Variants in DISC1 observed in about 807,000 individuals in gnomAD.
DISC1 encodes disrupted in schizophrenia 1 protein.
In DISC1, 57 loss-of-function variants were observed where a neutral mutation model predicts 84.5. The ratio of observed to expected loss-of-function variants is 0.67; its 90% confidence interval spans 0.55 to 0.84. The LOEUF (loss-of-function observed/expected upper bound fraction) is 0.84, where lower values mean the gene tolerates loss of function less well. Ranked by LOEUF, DISC1 falls within the 40% of genes least tolerant of loss-of-function variation. DISC1 has a pLI of 0.00. For missense variants in DISC1, 1,000 were observed against 1,057.8 expected, an observed-to-expected ratio of 0.95 and a Z score of 0.76; for synonymous variants, 411 against 415.2, an observed-to-expected ratio of 0.99 and a Z score of 0.12.
At chr1:232,027,084 A>G (rs1669550827) in intron 12 of DISC1, among the ~76,000 whole-genome samples, 1 of 152,134 alleles carries the variant, frequency 6.6e-6, no homozygotes, top group Non-Finnish European at 1.5e-5. Flanking sequence ...AAATCCAACC[A>G]CTAACAATTA....
At chr1:231,642,616 T>C (rs1342144642) in intron 1 of DISC1, among the ~76,000 whole-genome samples, 1 of 152,216 alleles carries the variant, frequency 6.6e-6, no homozygotes, top group African/African-American at 2.4e-5. Context: ...TAAATCTTTT[T>C]TTTTTCACTG....
intron 9 of DISC1, among the ~76,000 whole-genome samples, chr1:231,919,683 G>A (rs775599821): frequency 6.6e-6 from 1 of 152,202 alleles, no homozygotes; most frequent in South Asian, 2.1e-4. Flanking sequence ...CAGCCAAAAT[G>A]AGTTCTGTTA....
chr1:231,874,497 C>G (rs536096409), intron 9 of DISC1, among the ~76,000 whole-genome samples: 2 of 152,054 alleles, frequency 1.3e-5, no homozygotes, highest in Non-Finnish European at 2.9e-5. Context: ...CATGGCCTGG[C>G]CAAAGACTTC....
At position 232,008,862 on chromosome 1, in the gene DISC1, T is replaced by C; in HGVS notation, c.2120T>C (p.Leu707Pro). Residue 707 changes from leucine (L) to proline (P), a missense_variant, in exon 11 of 13, where the codon CTC (leucine) becomes CCC (proline). Transcript: ENST00000439617. Reference sequence around the variant, plus strand: ...CGATTGCTTATCCAGAGCCTACAGCTCCAGGAAGCCAGGGGAAGCCTGTCT... The same window carrying C: ...CGATTGCTTATCCAGAGCCTACAGCCCCAGGAAGCCAGGGGAAGCCTGTCT... ...ACRLLIQSLQLQEARGSLSVE... is the reference protein window; with the variant it reads ...ACRLLIQSLQPQEARGSLSVE... 2.5e-6 allele frequency: 4 copies of C among 1,613,308 alleles called. No individual in the cohort carries two copies. The highest frequency in any genetic ancestry group is 3.4e-6 in the Non-Finnish European group (4 of 1,179,650).
At chr1:231,644,370 T>C (rs1399084363) in intron 1 of DISC1, among the ~76,000 whole-genome samples, 1 of 152,226 alleles carries the variant, frequency 6.6e-6, no homozygotes, top group African/African-American at 2.4e-5. Context: ...CTGCTAGGGC[T>C]AGCAGCCGGA....
chr1:231,989,946 A>G (rs1664978991), intron 10 of DISC1, among the ~76,000 whole-genome samples: 1 of 152,048 alleles, frequency 6.6e-6, no homozygotes, highest in African/African-American at 2.4e-5. Context: ...TCTACACTAC[A>G]CTTCCAGGCA....
intron 1 of DISC1, among the ~76,000 whole-genome samples, chr1:231,677,203 G>T (rs200462664): frequency 6.6e-6 from 1 of 151,862 alleles, no homozygotes; most frequent in Non-Finnish European, 1.5e-5. Context: ...TTTTCTATTC[G>T]CCCATACCCA....
intron 3 of DISC1, among the ~76,000 whole-genome samples, chr1:231,724,578 A>G (rs912896620): frequency 1.2e-4 from 18 of 152,176 alleles, no homozygotes; most frequent in Admixed American, 7.2e-4. Flanking sequence ...TCTTCCCCCA[A>G]AGGCAGTCTC....
At chr1:232,000,085 C>A (rs1477792840) in intron 10 of DISC1, among the ~76,000 whole-genome samples, 8 of 151,980 alleles carry the variant, frequency 5.3e-5, no homozygotes, top group Non-Finnish European at 2.9e-5. Flanking sequence ...ATAACAAAAA[C>A]CAAGGATATC....
intron 11 of DISC1, among the ~76,000 whole-genome samples, chr1:232,017,102 A>G (rs1298918912): frequency 3.9e-5 from 6 of 152,222 alleles, no homozygotes. Context: ...TGTAGATAAT[A>G]TTTTAAAAAG....
intron 3 of DISC1, among the ~76,000 whole-genome samples, chr1:231,743,990 A>T (rs760023559): frequency 6.6e-6 from 1 of 152,170 alleles, no homozygotes. Context: ...GCTGTGACTC[A>T]TGTTACTCTC....
At chr1:231,987,070 G>A (rs914752490) in intron 10 of DISC1, among the ~76,000 whole-genome samples, 4 of 152,186 alleles carry the variant, frequency 2.6e-5, no homozygotes, top group African/African-American at 4.8e-5. Flanking sequence ...TTGTGCAATC[G>A]TTCTCCCTAC....
At chr1:231,894,936 C>T (rs1204714288) in intron 9 of DISC1, among the ~76,000 whole-genome samples, 3 of 150,906 alleles carry the variant, frequency 2.0e-5, no homozygotes, top group Non-Finnish European at 4.4e-5. Flanking sequence ...CACACACCCA[C>T]ACACACACAC....
At chr1:231,986,920 G>A (rs1003174253) in intron 10 of DISC1, among the ~76,000 whole-genome samples, 1 of 152,168 alleles carries the variant, frequency 6.6e-6, no homozygotes, top group African/African-American at 2.4e-5. Flanking sequence ...CTTAGTGGTT[G>A]GTTGCTGCTC....
At chr1:231,921,220 A>T (rs1457138946) in intron 9 of DISC1, among the ~76,000 whole-genome samples, 1 of 151,994 alleles carries the variant, frequency 6.6e-6, no homozygotes, top group African/African-American at 2.4e-5. Context: ...GGCCAGCTGG[A>T]CTGCTTTCTT....
intron 10 of DISC1, among the ~76,000 whole-genome samples, chr1:231,969,193 T>TTTTC (rs1412322482): frequency 6.8e-6 from 1 of 147,452 alleles, no homozygotes. Flanking sequence ...GCGGTTTTTT[T>TTTTC]TTTTTTTTTT....
At chr1:231,802,290 T>G (rs1423236144) in intron 8 of DISC1, among the ~76,000 whole-genome samples, 1 of 152,112 alleles carries the variant, frequency 6.6e-6, no homozygotes, top group Non-Finnish European at 1.5e-5. Flanking sequence ...TTCGTGATAG[T>G]GAGTGAGTTA....
At chr1:231,801,251 C>T (rs2079223048) in intron 8 of DISC1, among the ~76,000 whole-genome samples, 1 of 151,874 alleles carries the variant, frequency 6.6e-6, no homozygotes. Flanking sequence ...ATGCCATTTA[C>T]TTGAAATTAT....
At chr1:231,696,854 T>C (rs542537981) in intron 2 of DISC1, among the ~76,000 whole-genome samples, 1 of 152,352 alleles carries the variant, frequency 6.6e-6, no homozygotes, top group South Asian at 2.1e-4. Flanking sequence ...CACTCTACGA[T>C]GTTCACACAA....
Sources: allele counts gnomAD v4.1 joint callset (sites outside exome capture counted in the v4.1 genomes callset), GRCh38; gene constraint gnomAD v4.1.1; transcripts MANE v1.5; gene names NCBI Gene and HGNC (gene_info 2026-07-23, HGNC 2026-07-21).